NOX4: variants seen among roughly 807,000 people sequenced by gnomAD.
NOX4 encodes the protein NADPH oxidase 4, also known as kidney oxidase-1.
A neutral mutation model predicts 87.6 loss-of-function variants in NOX4; 69 were observed. That is an observed-to-expected ratio of 0.79 (90% CI 0.65 to 0.96). NOX4 has a LOEUF of 0.96. NOX4 is among the 40% of genes least tolerant of loss of function. NOX4 has a pLI of 0.00. For missense variants in NOX4, 680 were observed against 681.5 expected, an observed-to-expected ratio of 1.00 and a Z score of 0.02; for synonymous variants, 275 against 238.2, an observed-to-expected ratio of 1.15 and a Z score of -1.42.
chr11:89,440,747 A>T, intron 5 of NOX4, 32 bp from the exon 6 acceptor site: 1 of 1,301,656 alleles, frequency 7.7e-7, no homozygotes, highest in East Asian at 2.4e-5. Context: ...AAATGATTAA[A>T]AACTAAAGCA....
intron 13 of NOX4, among the ~76,000 whole-genome samples, chr11:89,350,493 A>C (rs764958232): frequency 6.6e-6 from 1 of 152,176 alleles, no homozygotes; most frequent in South Asian, 2.1e-4. Flanking sequence ...CACACTAACC[A>C]GTGCACAATG....
At chr11:89,557,751 G>A in the NOX4 span, among the ~76,000 whole-genome samples, 4 of 152,022 alleles carry the variant, frequency 2.6e-5, no homozygotes, top group Non-Finnish European at 5.9e-5. Context: ...TATACTTTAC[G>A]ATTAATTACA....
chr11:89,350,717 C>T (rs1202895699), intron 13 of NOX4, among the ~76,000 whole-genome samples: 1 of 152,122 alleles, frequency 6.6e-6, no homozygotes, highest in East Asian at 1.9e-4. Context: ...GTTTGACTCA[C>T]CTTTCAACTT....
chr11:89,385,995 C>G (rs973010187), intron 11 of NOX4, among the ~76,000 whole-genome samples: 1 of 152,088 alleles, frequency 6.6e-6, no homozygotes, highest in African/African-American at 2.4e-5. Flanking sequence ...TTCAGTGGAA[C>G]CTTCATACCC....
chr11:89,491,629 C>G, upstream of NOX4: 1 of 252,182 alleles, frequency 4.0e-6, no homozygotes, highest in Admixed American at 5.7e-5. Context: ...GGAGGCGTCC[C>G]CCGCAGCCTC....
chr11:89,340,649 G>T (rs1455392176), intron 14 of NOX4, among the ~76,000 whole-genome samples: 2 of 152,228 alleles, frequency 1.3e-5, no homozygotes, highest in African/African-American at 4.8e-5. Flanking sequence ...AAACTTGGTT[G>T]TTTATCCCCT....
At chr11:89,347,243 G>A (rs1469553162) in intron 13 of NOX4, among the ~76,000 whole-genome samples, 1 of 152,156 alleles carries the variant, frequency 6.6e-6, no homozygotes, top group Non-Finnish European at 1.5e-5. Flanking sequence ...TCTAAGCAGA[G>A]CATATCACCC....
At chr11:89,517,619 C>T in the NOX4 span, among the ~76,000 whole-genome samples, 1 of 144,412 alleles carries the variant, frequency 6.9e-6, no homozygotes, top group African/African-American at 2.6e-5. Context: ...GTATATGACA[C>T]CACAACTGGC....
At chr11:89,513,173 A>G in the NOX4 span, among the ~76,000 whole-genome samples, 1 of 152,162 alleles carries the variant, frequency 6.6e-6, no homozygotes, top group African/African-American at 2.4e-5. Context: ...ATACAAAATT[A>G]GCTGTGTGTG....
the NOX4 span, among the ~76,000 whole-genome samples, chr11:89,507,043 A>G: frequency 2.0e-5 from 3 of 152,014 alleles, no homozygotes; most frequent in African/African-American, 7.2e-5. Flanking sequence ...GAAATCAGAC[A>G]TAAAAATATG....
the NOX4 span, among the ~76,000 whole-genome samples, chr11:89,540,868 T>C: frequency 2.1e-5 from 3 of 141,944 alleles, no homozygotes; most frequent in African/African-American, 2.6e-5. Flanking sequence ...TGTTTCTTTC[T>C]AAGATAGATC....
intron 3 of NOX4, 94 bp downstream of exon 3, chr11:89,451,691 C>T (rs868643374): frequency 2.4e-6 from 2 of 829,998 alleles, no homozygotes; most frequent in African/African-American, 3.4e-5. Flanking sequence ...TCACTCCAGT[C>T]AAAAGTCAGA....
At chr11:89,480,172 A>T (rs1390081678) in intron 2 of NOX4, among the ~76,000 whole-genome samples, 1 of 152,182 alleles carries the variant, frequency 6.6e-6, no homozygotes, top group Non-Finnish European at 1.5e-5. Context: ...CATGTAACAG[A>T]CTTTCACGAT....
the NOX4 span, among the ~76,000 whole-genome samples, chr11:89,550,608 G>A: frequency 6.6e-6 from 1 of 152,032 alleles, no homozygotes; most frequent in Admixed American, 6.6e-5. Context: ...TGAGAAGTGT[G>A]TGTTCATATC....
intron 16 of NOX4, among the ~76,000 whole-genome samples, chr11:89,336,871 A>G (rs887022384): frequency 6.6e-6 from 1 of 151,998 alleles, no homozygotes; most frequent in African/African-American, 2.4e-5. Flanking sequence ...AAAGTACTAA[A>G]ATAAAATTTG....
At chr11:89,464,320 A>T (rs1458678643) in intron 2 of NOX4, among the ~76,000 whole-genome samples, 1 of 152,070 alleles carries the variant, frequency 6.6e-6, no homozygotes, top group Non-Finnish European at 1.5e-5. Flanking sequence ...TTTCTCATAC[A>T]TGTTTGTTCC....
rs960571374 is a variant in NOX4, at chr11:89,413,866, T to C, written c.629+8036A>G. Among the ~76,000 whole-genome samples the C allele has an allele frequency of 1.1e-4, 16 of 152,234 alleles. No homozygotes were observed. The East Asian group carries it at 3.1e-3, about 29-fold the overall frequency. ...GATCATTACACATTGTATGCCTGTA[T>C]CAAAATATCTCATGTATCCCATAAA... On this transcript the variant is annotated intron_variant, in intron 8 of 17. Coordinates refer to ENST00000263317, the MANE Select transcript of NOX4 (RefSeq NM_016931.5).
intron 11 of NOX4, among the ~76,000 whole-genome samples, chr11:89,395,576 C>T (rs1941428942): frequency 6.6e-6 from 1 of 152,114 alleles, no homozygotes; most frequent in Admixed American, 6.6e-5. Flanking sequence ...GAAGTCCTTG[C>T]CCATGCCTAT....
At chr11:89,404,037 A>AC (rs1942027070) in intron 8 of NOX4, among the ~76,000 whole-genome samples, 1 of 150,522 alleles carries the variant, frequency 6.6e-6, no homozygotes, top group South Asian at 2.2e-4. Flanking sequence ...AGTAGACCAC[A>AC]CACAAACATA....
Sources: gnomAD v4.1 joint callset for allele counts (sites outside exome capture counted in the v4.1 genomes callset) on GRCh38, gnomAD v4.1.1 for gene constraint, MANE v1.5 for transcripts, NCBI Gene and HGNC (gene_info 2026-07-23, HGNC 2026-07-21) for gene names.